Variants in ROBO2 observed in about 807,000 individuals in gnomAD.
The protein encoded by ROBO2 is roundabout guidance receptor 2.
Under a neutral mutation model 160.8 loss-of-function variants are expected in ROBO2, and 53 were observed. That is an observed-to-expected ratio of 0.33 (90% CI 0.26 to 0.41). ROBO2 has a LOEUF of 0.41. ROBO2 is among the 10% of genes least tolerant of loss of function. The pLI is 1.00. For missense variants in ROBO2, 1,577 were observed against 1,722.4 expected (o/e 0.92, Z 1.49); for synonymous variants, 664 against 611.7 (o/e 1.09, Z -1.26).
At chr3:76,650,576 C>A (rs2091210783) in intron 2 of ROBO2, among the ~76,000 whole-genome samples, 1 of 151,284 alleles carries the variant, frequency 6.6e-6, no homozygotes, top group African/African-American at 2.4e-5. Context: ...TGATAATTAA[C>A]AGGTGAAAGT....
intron 2 of ROBO2, among the ~76,000 whole-genome samples, chr3:76,115,070 A>C (rs747158084): frequency 1.3e-5 from 2 of 152,120 alleles, no homozygotes; most frequent in Non-Finnish European, 2.9e-5. Context: ...TTTAAACAAG[A>C]TCTTTAACAG....
chr3:77,601,907 G>A (rs771869756), intron 19 of ROBO2, among the ~76,000 whole-genome samples: 2 of 152,172 alleles, frequency 1.3e-5, no homozygotes, highest in Non-Finnish European at 2.9e-5. Context: ...CTAAAACAGA[G>A]TGAACAACTG....
chr3:76,235,918 T>C (rs150458810), intron 2 of ROBO2, among the ~76,000 whole-genome samples: 305 of 152,088 alleles, frequency 2.0e-3, no homozygotes, highest in African/African-American at 7.1e-3. Context: ...GAAGGTAGGA[T>C]GAAGAAAGCA....
chr3:77,605,541 C>A (rs2094510073), intron 20 of ROBO2, among the ~76,000 whole-genome samples: 1 of 152,154 alleles, frequency 6.6e-6, no homozygotes, highest in Admixed American at 6.5e-5. Context: ...GGATAGAAAG[C>A]CCTCACATAT....
intron 2 of ROBO2, among the ~76,000 whole-genome samples, chr3:76,107,555 A>T (rs770907758): frequency 6.6e-6 from 1 of 152,042 alleles, no homozygotes; most frequent in South Asian, 2.1e-4. Flanking sequence ...TTACATTTGC[A>T]TAGCATTTTT....
chr3:76,062,639 T>A (rs1221559030), intron 2 of ROBO2, among the ~76,000 whole-genome samples: 2 of 152,178 alleles, frequency 1.3e-5, no homozygotes, highest in African/African-American at 4.8e-5. Context: ...GGGTTTGTGC[T>A]TTCATCTCAG....
intron 2 of ROBO2, among the ~76,000 whole-genome samples, chr3:76,139,719 A>T (rs1263382982): frequency 6.6e-6 from 1 of 152,108 alleles, no homozygotes; most frequent in Non-Finnish European, 1.5e-5. Context: ...ATATAGTTAT[A>T]AAAATATAAA....
intron 2 of ROBO2, among the ~76,000 whole-genome samples, chr3:77,181,708 A>G (rs981815058): frequency 6.6e-6 from 1 of 152,212 alleles, no homozygotes; most frequent in East Asian, 1.9e-4. Context: ...ATGATGCTCA[A>G]TATTCTTGCT....
chr3:76,679,685 G>A (rs1469229969), intron 2 of ROBO2, among the ~76,000 whole-genome samples: 4 of 152,152 alleles, frequency 2.6e-5, no homozygotes, highest in Non-Finnish European at 5.9e-5. Context: ...ACTTGGTGGG[G>A]TAGGAGTCAT....
chr3:76,303,065 T>G (rs2071151596), intron 2 of ROBO2, among the ~76,000 whole-genome samples: 1 of 152,130 alleles, frequency 6.6e-6, no homozygotes, highest in Admixed American at 6.6e-5. Context: ...TCAACCTTTC[T>G]AGCACTGTCC....
chr3:76,437,896 T>G (rs2076756684), intron 2 of ROBO2, among the ~76,000 whole-genome samples: 2 of 152,186 alleles, frequency 1.3e-5, no homozygotes, highest in Non-Finnish European at 2.9e-5. Flanking sequence ...GTTAACTTCT[T>G]CTAAGCCTTC....
intron 2 of ROBO2, among the ~76,000 whole-genome samples, chr3:77,425,404 C>T (rs1183494492): frequency 6.6e-6 from 1 of 152,100 alleles, no homozygotes; most frequent in Non-Finnish European, 1.5e-5. Flanking sequence ...AGATGGTGTC[C>T]TCTTTTGGAG....
At chr3:77,551,903 A>G (rs756645344) in intron 8 of ROBO2, among the ~76,000 whole-genome samples, 1 of 152,008 alleles carries the variant, frequency 6.6e-6, no homozygotes, top group African/African-American at 2.4e-5. Context: ...ATTTTTTAAT[A>G]TCTGTTCATG....
intron 20 of ROBO2, among the ~76,000 whole-genome samples, chr3:77,603,583 T>C (rs2094471836): frequency 6.6e-6 from 1 of 152,192 alleles, no homozygotes; most frequent in African/African-American, 2.4e-5. Context: ...AAAAACCATA[T>C]AATCTTTGAT....
At chr3:77,111,704 G>C (rs2073600328) in intron 2 of ROBO2, among the ~76,000 whole-genome samples, 1 of 152,106 alleles carries the variant, frequency 6.6e-6, no homozygotes, top group South Asian at 2.1e-4. Context: ...AGAAAAGAGA[G>C]GAATGTTTGT....
chr3:77,068,834 C>A (rs1338794472), intron 1 of ROBO2, among the ~76,000 whole-genome samples: 1 of 152,098 alleles, frequency 6.6e-6, no homozygotes, highest in Non-Finnish European at 1.5e-5. Context: ...TAAAGGTGGG[C>A]ACACTGCAGC....
intron 2 of ROBO2, among the ~76,000 whole-genome samples, chr3:77,424,298 G>A (rs2077980127): frequency 6.6e-6 from 1 of 152,070 alleles, no homozygotes; most frequent in Non-Finnish European, 1.5e-5. Context: ...TGAGTAGGAT[G>A]GTATGAGTAA....
intron 2 of ROBO2, among the ~76,000 whole-genome samples, chr3:75,967,715 C>T (rs1329536974): frequency 6.6e-6 from 1 of 151,288 alleles, no homozygotes; most frequent in Admixed American, 6.6e-5. Flanking sequence ...TGCATAGTTA[C>T]CATGCATTAA....
At chr3:76,832,170 T>C (rs1168157551) in intron 2 of ROBO2, among the ~76,000 whole-genome samples, 1 of 152,210 alleles carries the variant, frequency 6.6e-6, no homozygotes, top group Non-Finnish European at 1.5e-5. Context: ...TGAAGAAATT[T>C]AACACAAATC....
Sources: gnomAD v4.1 joint callset for allele counts (sites outside exome capture counted in the v4.1 genomes callset) on GRCh38, gnomAD v4.1.1 for gene constraint, MANE v1.5 for transcripts, NCBI Gene and HGNC (gene_info 2026-07-23, HGNC 2026-07-21) for gene names.